The following ARHGEF26 variants were observed in gnomAD, a reference collection of about 807,000 sequenced individuals.
The protein encoded by ARHGEF26 is Rho guanine nucleotide exchange factor (GEF) 26.
A neutral mutation model predicts 89.4 loss-of-function variants in ARHGEF26; 59 were observed. The ratio of observed to expected loss-of-function variants is 0.66; its 90% CI spans 0.54 to 0.82. The LOEUF is 0.82. Among genes scored for constraint, ARHGEF26 ranks in the 40% least tolerant of loss-of-function variants. The pLI, the probability that ARHGEF26 is intolerant of heterozygous loss-of-function variation, is 0.00. For synonymous variants in ARHGEF26, 500 were observed against 428.4 expected (o/e 1.17, Z -2.06); for missense variants, 1,234 against 1,085.6 (o/e 1.14, Z -1.92).
intron 6 of ARHGEF26, among the ~76,000 whole-genome samples, chr3:154,186,899 T>TTC (rs1713591442): frequency 1.3e-5 from 1 of 77,526 alleles, no homozygotes. Flanking sequence ...TTTTTTTTTT[T>TTC]TTTTTTTTTT....
intron 12 of ARHGEF26, among the ~76,000 whole-genome samples, chr3:154,248,498 A>G (rs987834137): frequency 6.6e-6 from 1 of 152,174 alleles, no homozygotes; most frequent in Non-Finnish European, 1.5e-5. Context: ...ATTGTAGGGT[A>G]TAGCATTTTT....
chr3:154,221,590 GATTA>G (rs1291990821), intron 10 of ARHGEF26, among the ~76,000 whole-genome samples: 1 of 152,050 alleles, frequency 6.6e-6, no homozygotes, highest in Admixed American at 6.5e-5. Context: ...TATCAAAGAG[GATTA>G]ATTAAATAAA....
intron 6 of ARHGEF26, among the ~76,000 whole-genome samples, chr3:154,178,286 G>A (rs1166355996): frequency 6.6e-6 from 1 of 152,124 alleles, no homozygotes; most frequent in African/African-American, 2.4e-5. Context: ...CATTAAAATT[G>A]TATAATTTAG....
intron 4 of ARHGEF26, among the ~76,000 whole-genome samples, chr3:154,138,340 T>C (rs561557061): frequency 6.6e-6 from 1 of 152,392 alleles, no homozygotes; most frequent in East Asian, 1.9e-4. Flanking sequence ...TAGCTTGTTA[T>C]GTATTGAGTA....
chr3:154,207,593 AAAT>A (rs1303395110), intron 9 of ARHGEF26, among the ~76,000 whole-genome samples: 1 of 152,180 alleles, frequency 6.6e-6, no homozygotes. Context: ...AAAATTCAAA[AAAT>A]AACATGCTGG....
At chr3:154,208,409 C>T (rs1352864030) in intron 9 of ARHGEF26, among the ~76,000 whole-genome samples, 2 of 152,044 alleles carry the variant, frequency 1.3e-5, no homozygotes, top group East Asian at 3.9e-4. Context: ...TATTAAATGC[C>T]TTGAGGTAGT....
chr3:154,161,186 A>T (rs1277484005), intron 6 of ARHGEF26, among the ~76,000 whole-genome samples: 1 of 151,948 alleles, frequency 6.6e-6, no homozygotes, highest in African/African-American at 2.4e-5. Flanking sequence ...TTGGCATAGT[A>T]TAGGTTAAGT....
intron 11 of ARHGEF26, among the ~76,000 whole-genome samples, chr3:154,233,120 T>G (rs975722807): frequency 2.0e-5 from 3 of 152,074 alleles, no homozygotes; most frequent in Admixed American, 1.3e-4. Flanking sequence ...TGTGAGCCAC[T>G]GCATCCAGCC....
At chr3:154,175,636 C>A (rs1712771122) in intron 6 of ARHGEF26, among the ~76,000 whole-genome samples, 1 of 152,136 alleles carries the variant, frequency 6.6e-6, no homozygotes, top group African/African-American at 2.4e-5. Flanking sequence ...AAATTAGAAC[C>A]TACAAATGAT....
intron 6 of ARHGEF26, among the ~76,000 whole-genome samples, chr3:154,155,005 G>T (rs901640974): frequency 6.6e-6 from 1 of 151,910 alleles, no homozygotes; most frequent in Non-Finnish European, 1.5e-5. Context: ...CTTCTTCAAA[G>T]AAATTGTACC....
chr3:154,145,370 C>A (rs1719636325), intron 4 of ARHGEF26, among the ~76,000 whole-genome samples: 1 of 152,118 alleles, frequency 6.6e-6, no homozygotes, highest in Non-Finnish European at 1.5e-5. Context: ...CATTTGAGCT[C>A]TTGAGAAAAG....
intron 6 of ARHGEF26, among the ~76,000 whole-genome samples, chr3:154,182,428 T>A (rs1259759156): frequency 1.3e-5 from 2 of 152,164 alleles, no homozygotes; most frequent in African/African-American, 4.8e-5. Flanking sequence ...TTGATCACAC[T>A]GTGTCAACCA....
At chr3:154,175,329 G>A (rs770430091) in intron 6 of ARHGEF26, among the ~76,000 whole-genome samples, 7 of 152,044 alleles carry the variant, frequency 4.6e-5, no homozygotes, top group East Asian at 1.9e-4. Context: ...GAGGGAGGGC[G>A]GGCATTGTGG....
intron 12 of ARHGEF26, among the ~76,000 whole-genome samples, chr3:154,245,337 T>A (rs1314083749): frequency 6.6e-6 from 1 of 152,234 alleles, no homozygotes; most frequent in Non-Finnish European, 1.5e-5. Flanking sequence ...CCTCAATCCG[T>A]AGGCTTTAAA....
chr3:154,164,996 T>A (rs1484098206), intron 6 of ARHGEF26, among the ~76,000 whole-genome samples: 1 of 152,204 alleles, frequency 6.6e-6, no homozygotes, highest in Non-Finnish European at 1.5e-5. Context: ...TTAAGGATTT[T>A]TAGGAAGACT....
intron 9 of ARHGEF26, among the ~76,000 whole-genome samples, chr3:154,197,065 A>C (rs2108199835): frequency 6.6e-6 from 1 of 152,282 alleles, no homozygotes; most frequent in Admixed American, 6.5e-5. Flanking sequence ...CTTTCAGGAA[A>C]GGCTGGCAAA....
chr3:154,129,800 T>C, intron 4 of ARHGEF26, 81 bp downstream of exon 4: 2 of 1,442,046 alleles, frequency 1.4e-6, no homozygotes, highest in Non-Finnish European at 1.9e-6. Context: ...CTTTTGTTCT[T>C]TTCTGCCAGT....
intron 3 of ARHGEF26, 99 bp from the exon 4 acceptor site, chr3:154,129,475 A>T: frequency 7.7e-7 from 1 of 1,305,102 alleles, no homozygotes; most frequent in Middle Eastern, 2.0e-4. Context: ...CTGTTTATAA[A>T]ATTGGAGGCC....
At chr3:154,228,859 G>A (rs1162617505) in intron 11 of ARHGEF26, among the ~76,000 whole-genome samples, 6 of 152,198 alleles carry the variant, frequency 3.9e-5, no homozygotes, top group African/African-American at 7.2e-5. Context: ...CTGTGCCAGC[G>A]CTTGAGGACT....
Sources: allele counts gnomAD v4.1 joint callset (sites outside exome capture counted in the v4.1 genomes callset), GRCh38; gene constraint gnomAD v4.1.1; transcripts MANE v1.5; gene names NCBI Gene and HGNC (gene_info 2026-07-23, HGNC 2026-07-21).